Variants in SRI observed in about 807,000 individuals in gnomAD.
The protein encoded by SRI is sorcin.
Under a neutral mutation model 33.3 loss-of-function variants are expected in SRI, and 30 were observed. The ratio of observed to expected loss-of-function variants is 0.90; its 90% CI spans 0.67 to 1.22. SRI has a LOEUF of 1.22. Among genes scored for constraint, SRI ranks in the 50% most tolerant of loss-of-function variants. The probability of loss-of-function intolerance (pLI) is 0.00; values close to 1 mark genes in which losing one functional copy is unlikely to be tolerated. For synonymous variants in SRI, 75 were observed against 89.9 expected (o/e 0.83, Z 0.94); for missense variants, 243 against 250.8 (o/e 0.97, Z 0.21).
intron 4 of SRI, chr7:88,210,668 AT>A: frequency 1.1e-5 from 6 of 544,146 alleles, no homozygotes; most frequent in Non-Finnish European, 2.0e-5. Context: ...TAATACTCTG[AT>A]GTTTCCTTAA....
chr7:88,206,871 C>T lies in SRI; in HGVS notation c.571-367G>A, dbSNP rs371051335. Among the ~76,000 whole-genome samples the T allele has an allele frequency of 4.5e-4, 68 of 152,242 alleles. No homozygotes were observed. The South Asian group carries it at 0.014, about 31-fold the overall frequency. Reference sequence around the variant, plus strand: ...AACTGGAGTTTATACTGTTGTATTACGTGGGGATTTCCAAACCACACAGTA... The same window carrying T: ...AACTGGAGTTTATACTGTTGTATTATGTGGGGATTTCCAAACCACACAGTA... On this transcript the variant is annotated intron_variant, in intron 7 of 7. Coordinates refer to ENST00000265729, the MANE Select transcript of SRI (RefSeq NM_003130.4).
At chr7:88,219,938 A>G (rs1433654692) in intron 1 of SRI, 38 bp downstream of exon 1, 67 of 1,536,634 alleles carry the variant, frequency 4.4e-5, no homozygotes, top group Non-Finnish European at 5.6e-5. Flanking sequence ...AGCGCCCCGG[A>G]GCCGCCTGGG....
chr7:88,224,167 G>A (rs1851947873), upstream of SRI, among the ~76,000 whole-genome samples: 1 of 152,204 alleles, frequency 6.6e-6, no homozygotes, highest in Non-Finnish European at 1.5e-5. Flanking sequence ...TTAAAGCTGT[G>A]ACAGTAGATA....
chr7:88,217,225 G>T, intron 2 of SRI, 34 bp from the exon 3 acceptor site: 2 of 1,561,864 alleles, frequency 1.3e-6, no homozygotes, highest in Non-Finnish European at 1.8e-6. Context: ...TCATAATAGT[G>T]ATTTGTACTT....
At chr7:88,219,026 A>G in intron 1 of SRI, 84 bp from the exon 2 acceptor site, 1 of 1,232,428 alleles carries the variant, frequency 8.1e-7, no homozygotes, top group South Asian at 1.2e-5. Context: ...GCAAGGCCAG[A>G]CAACTGCCCG....
chr7:88,210,747 A>T, intron 4 of SRI, 135 bp downstream of exon 4: 1 of 808,966 alleles, frequency 1.2e-6, no homozygotes, highest in Non-Finnish European at 2.0e-6. Context: ...TCCACCCTAT[A>T]ATAGAAGCTA....
intron 3 of SRI, among the ~76,000 whole-genome samples, chr7:88,214,003 T>A (rs1260872071): frequency 6.6e-6 from 1 of 152,184 alleles, no homozygotes; most frequent in Admixed American, 6.5e-5. Context: ...CTGCATACCG[T>A]CCTAGCTGAC....
chr7:88,213,672 A>C (rs1275289506), intron 3 of SRI, among the ~76,000 whole-genome samples: 1 of 152,196 alleles, frequency 6.6e-6, no homozygotes, highest in East Asian at 1.9e-4. Context: ...GCTCATAGGA[A>C]GTATTCACTA....
At chr7:88,223,979 G>A (rs1177047794), upstream of SRI, among the ~76,000 whole-genome samples, 2 of 152,226 alleles carry the variant, frequency 1.3e-5, no homozygotes, top group African/African-American at 4.8e-5. Flanking sequence ...GAGGTTTATA[G>A]ATAGGATGCA....
rs538781250 is a variant in SRI at position 88,210,259 on chromosome 7, G to A, written c.250-129C>T. 100 of 1,134,854 alleles carry A rather than the reference G, an allele frequency of 8.8e-5. No homozygotes were observed. In the African/African-American group the frequency reaches 1.4e-3, roughly 16 times the overall value. The allele number at this position is 1,134,854 out of a possible 1,614,324, so 70.3% of individuals were successfully genotyped here. A position where few individuals can be genotyped will look rare whatever the true frequency, so the allele number is the denominator to read the frequency against. Reference sequence around the variant, plus strand: ...TATTGTAGATTATTCTTGGTATGATGTAAAATTAATGATTTAAAAATAGAA... The same window carrying A: ...TATTGTAGATTATTCTTGGTATGATATAAAATTAATGATTTAAAAATAGAA... On this transcript the variant is annotated intron_variant, in intron 4 of 7. Transcript: ENST00000265729.
chr7:88,220,095 C>T (rs1355750394), upstream of SRI: 6 of 1,449,018 alleles, frequency 4.1e-6, no homozygotes, highest in Admixed American at 2.6e-5. Context: ...CCCGCCCCGC[C>T]CTGCCGCTAG....
At chr7:88,208,722 T>C (rs1336937631) in intron 6 of SRI, 157 bp from the exon 7 acceptor site, 3 of 1,085,672 alleles carry the variant, frequency 2.8e-6, no homozygotes, top group Admixed American at 2.4e-5. Context: ...AAGCCAACTA[T>C]ATGAATAGTA....
chr7:88,225,400 A>G (rs1851974485), intron 1 of SRI, among the ~76,000 whole-genome samples: 1 of 152,240 alleles, frequency 6.6e-6, no homozygotes, highest in African/African-American at 2.4e-5. Context: ...GACCTTCCAA[A>G]GATGAGTTCC....
intron 4 of SRI, 70 bp downstream of exon 4, chr7:88,210,812 T>G: frequency 7.1e-7 from 1 of 1,404,148 alleles, no homozygotes; most frequent in Non-Finnish European, 1.0e-6. Flanking sequence ...TACTAGATAT[T>G]AATTCTAAGA....
intron 1 of SRI, 127 bp downstream of exon 1, chr7:88,219,849 G>T: frequency 1.7e-6 from 2 of 1,198,124 alleles, no homozygotes; most frequent in South Asian, 1.4e-5. Context: ...GCAGGGAGAA[G>T]CCGAGGGCGG....
chr7:88,219,842 G>A (rs537124842), intron 1 of SRI, 134 bp downstream of exon 1: 2 of 1,118,790 alleles, frequency 1.8e-6, no homozygotes, highest in Admixed American at 2.4e-5. Context: ...CGCGAGCGCA[G>A]GGAGAAGCCG....
At chr7:88,219,003 T>G in intron 1 of SRI, 61 bp from the exon 2 acceptor site, 2 of 1,489,150 alleles carry the variant, frequency 1.3e-6, no homozygotes, top group South Asian at 2.3e-5. Context: ...CTTTCACCAC[T>G]GAGGGCTTTT....
At chr7:88,222,984 G>C (rs1387200632), upstream of SRI, among the ~76,000 whole-genome samples, 1 of 151,922 alleles carries the variant, frequency 6.6e-6, no homozygotes, top group East Asian at 1.9e-4. Flanking sequence ...GGCAACAAAA[G>C]ACAAAATTGA....
At chr7:88,218,059 G>A (rs948650846) in intron 2 of SRI, among the ~76,000 whole-genome samples, 1 of 152,194 alleles carries the variant, frequency 6.6e-6, no homozygotes, top group South Asian at 2.1e-4. Flanking sequence ...TTCACATTAA[G>A]ATTTTGCTAT....
Sources: gnomAD v4.1 joint callset for allele counts (sites outside exome capture counted in the v4.1 genomes callset) on GRCh38, gnomAD v4.1.1 for gene constraint, MANE v1.5 for transcripts, NCBI Gene and HGNC (gene_info 2026-07-23, HGNC 2026-07-21) for gene names.